SFI1: variants seen among roughly 807,000 people sequenced by gnomAD.
SFI1 encodes the protein SFI1 centrin binding protein, also known as protein SFI1 homolog.
Under a neutral mutation model 207.5 loss-of-function variants are expected in SFI1, and 195 were observed. The ratio of observed to expected loss-of-function variants is 0.94; its 90% CI spans 0.84 to 1.06. The LOEUF is 1.06. SFI1 is among the 50% of genes least tolerant of loss of function. The pLI, the probability that SFI1 is intolerant of heterozygous loss-of-function variation, is 0.00. For missense variants in SFI1, 1,634 were observed against 1,588.0 expected (o/e 1.03, Z -0.49); for synonymous variants, 630 against 598.9 (o/e 1.05, Z -0.76).
intron 3 of SFI1, 130 bp downstream of exon 3, chr22:31,528,993 A>G: frequency 1.2e-6 from 1 of 864,474 alleles, no homozygotes; most frequent in Non-Finnish European, 1.8e-6. Flanking sequence ...TCTTGGTAGT[A>G]GAATGTTCAG....
chr22:31,545,931 C>T (rs996576687), intron 4 of SFI1, among the ~76,000 whole-genome samples: 2 of 136,448 alleles, frequency 1.5e-5, no homozygotes, highest in African/African-American at 2.8e-5. Context: ...CTTACTCTTT[C>T]GCCCAGGCTG....
chr22:31,605,096 C>A, intron 20 of SFI1, 151 bp downstream of exon 20: 1 of 647,544 alleles, frequency 1.5e-6, no homozygotes, highest in Non-Finnish European at 2.6e-6. Flanking sequence ...TTCCACTTCA[C>A]TCACGGGTTC....
chr22:31,574,306 A>G (rs1241911636), intron 9 of SFI1, among the ~76,000 whole-genome samples: 1 of 152,208 alleles, frequency 6.6e-6, no homozygotes, highest in Non-Finnish European at 1.5e-5. Context: ...CAGTCCTGGA[A>G]TGTGAAGGCA....
At chr22:31,509,661 A>G (rs934478099) in intron 2 of SFI1, among the ~76,000 whole-genome samples, 2 of 152,156 alleles carry the variant, frequency 1.3e-5, no homozygotes, top group Non-Finnish European at 2.9e-5. Flanking sequence ...ACACCCAGAA[A>G]CAATACTTTG....
intron 1 of SFI1, chr22:31,497,276 T>A (rs2052845756): frequency 6.6e-6 from 1 of 152,254 alleles, no homozygotes; most frequent in African/African-American, 2.4e-5. Context: ...ATTGAAAGTT[T>A]GTAGCAAGCA....
Position 31,602,663 on chromosome 22 carries a change from G to A in SFI1, c.1683G>A (p.Gln561=), listed in dbSNP as rs1345460490. Residue 561 remains glutamine (Q), a synonymous_variant, in exon 17 of 33, where the codon CAG becomes CAA. Coordinates refer to ENST00000400288, the MANE Select transcript of SFI1 (RefSeq NM_001007467.3). The part of the protein sequence containing the change: ...LLYRSWFMWH[Q]QAAARHQEQE... Reference sequence around the variant, plus strand: ...ATAGGTCTTGGTTCATGTGGCACCAGCAGGCAGCAGCACGTCACCAGGAGC... The same window carrying A: ...ATAGGTCTTGGTTCATGTGGCACCAACAGGCAGCAGCACGTCACCAGGAGC... 9.9e-6 allele frequency: 16 copies of A among 1,614,066 alleles called. No individual in the cohort carries two copies. The highest frequency in any genetic ancestry group is 1.3e-5 in the Non-Finnish European group (15 of 1,180,026).
At chr22:31,602,540 C>A (rs777508561) in intron 16 of SFI1, 67 bp from the exon 17 acceptor site, 2 of 1,559,830 alleles carry the variant, frequency 1.3e-6, no homozygotes, top group Admixed American at 1.7e-5. Context: ...CCTGTAAATT[C>A]TTTCCTGGCT....
chr22:31,511,109 A>AC (rs1323552519), intron 2 of SFI1, among the ~76,000 whole-genome samples: 6 of 152,192 alleles, frequency 3.9e-5, no homozygotes, highest in African/African-American at 1.4e-4. Context: ...ACTGTTTGAG[A>AC]CCTATTCAGC....
chr22:31,507,505 T>A (rs775304377), intron 1 of SFI1, among the ~76,000 whole-genome samples: 1 of 152,082 alleles, frequency 6.6e-6, no homozygotes, highest in Non-Finnish European at 1.5e-5. Context: ...ATTGACAAAT[T>A]TAGTTTAATT....
chr22:31,559,465 G>T, intron 7 of SFI1: 1 of 451,716 alleles, frequency 2.2e-6, no homozygotes, highest in South Asian at 2.0e-5. Context: ...CCTACACACC[G>T]CCAGTTGTGT....
At chr22:31,594,900 C>G (rs1383270173) in intron 15 of SFI1, among the ~76,000 whole-genome samples, 3 of 149,964 alleles carry the variant, frequency 2.0e-5, no homozygotes, top group Non-Finnish European at 3.0e-5. Context: ...AGGAGCAGAT[C>G]TACATCTTTT....
At chr22:31,591,017 G>C (rs1413244788) in intron 15 of SFI1, among the ~76,000 whole-genome samples, 1 of 149,338 alleles carries the variant, frequency 6.7e-6, no homozygotes, top group African/African-American at 2.5e-5. Flanking sequence ...TCTCACAGAG[G>C]GGGATTTGGC....
rs2068970188 is a variant in SFI1 at position 31,606,361 on chromosome 22, G to A, written c.2088G>A (p.Met696Ile). ...GALRRWKENT[M>I]ARVDEAKKTF... Reference sequence around the variant, plus strand: ...TACGTCGCTGGAAAGAGAACACCATGGCCCGAGTGGATGAAGCCAAAAAAA... The same window carrying A: ...TACGTCGCTGGAAAGAGAACACCATAGCCCGAGTGGATGAAGCCAAAAAAA... Residue 696 changes from methionine to isoleucine, a missense_variant, in exon 21 of 33, where the codon ATG (methionine) becomes ATA (isoleucine). Coordinates refer to ENST00000400288, the MANE Select transcript of SFI1 (RefSeq NM_001007467.3). 1 of 1,613,744 alleles carries A rather than the reference G, an allele frequency of 6.2e-7. No individual in the cohort carries two copies.
At chr22:31,601,108 A>G (rs1237640219) in intron 15 of SFI1, among the ~76,000 whole-genome samples, 1 of 150,048 alleles carries the variant, frequency 6.7e-6, no homozygotes, top group African/African-American at 2.4e-5. Context: ...GTGGTTCCCA[A>G]ACCTTTTTAC....
intron 2 of SFI1, among the ~76,000 whole-genome samples, chr22:31,527,580 A>G (rs536666365): frequency 1.3e-5 from 2 of 152,282 alleles, no homozygotes; most frequent in South Asian, 4.1e-4. Flanking sequence ...AGAAAACAAT[A>G]CAATAAAATT....
chr22:31,559,851 A>G (rs1602701965), intron 7 of SFI1: 47 of 686,196 alleles, frequency 6.8e-5, no homozygotes, highest in South Asian at 6.4e-4. Flanking sequence ...AGAGGACCGC[A>G]CCACTTCTGG....
rs1184220608 is a variant in SFI1 at position 31,604,319 on chromosome 22, T to C, written c.1892T>C (p.Leu631Pro). The change falls in exon 19 of 33, where the codon CTG becomes CCG. Residue 631 changes from leucine (L) to proline (P), a missense_variant. Transcript: ENST00000400288. ...CTCCTCTGTCTGCAGTGCCTGGCCC[T>C]GCGGGGAGCGGAGCGGCAGAAGCTG... is the stretch of plus-strand genomic sequence containing the variant. The part of the protein sequence containing the change: ...AWSQWRECLA[L>P]RGAERQKLMR... 6.3e-7 allele frequency: 1 copy of C among 1,576,844 alleles called. No homozygotes were observed. The highest frequency in any genetic ancestry group is 8.6e-7 in the Non-Finnish European group (1 of 1,163,132).
At chr22:31,599,035 G>A (rs371317241) in intron 15 of SFI1, among the ~76,000 whole-genome samples, 6 of 150,718 alleles carry the variant, frequency 4.0e-5, no homozygotes, top group East Asian at 2.0e-4. Flanking sequence ...CTTGTGATCC[G>A]CCCGCCTCGG....
At chr22:31,523,996 A>C (rs1247271126) in intron 2 of SFI1, among the ~76,000 whole-genome samples, 3 of 131,794 alleles carry the variant, frequency 2.3e-5, no homozygotes, top group African/African-American at 8.8e-5. Flanking sequence ...CAGGTCAGGG[A>C]TTCGAGACTA....
Sources: allele counts gnomAD v4.1 joint callset (sites outside exome capture counted in the v4.1 genomes callset), GRCh38; gene constraint gnomAD v4.1.1; transcripts MANE v1.5; gene names NCBI Gene and HGNC (gene_info 2026-07-23, HGNC 2026-07-21).